The following KIAA0825 variants were observed in gnomAD, a reference collection of about 807,000 sequenced individuals.
The protein encoded by KIAA0825 is uncharacterized protein KIAA0825.
KIAA0825 carries 119 observed loss-of-function variants against 147.6 expected under a neutral mutation model. That is an observed-to-expected ratio of 0.81 (90% CI 0.69 to 0.94). The LOEUF (loss-of-function observed/expected upper bound fraction) is 0.94, where lower values mean the gene tolerates loss of function less well. KIAA0825 is among the 40% of genes least tolerant of loss of function. The pLI is 0.00. For synonymous variants in KIAA0825, 470 were observed against 518.1 expected (o/e 0.91, Z 1.26); for missense variants, 1,381 against 1,472.7 (o/e 0.94, Z 1.02).
In KIAA0825 at chr5:94,559,399, G is replaced by C. The variant is rs75054285; in HGVS notation, c.-1-22272C>G. ...GCAAAGACTTCATGACTATCACACT[G>C]TCTAAGATGGAATGTTAAATACTCT... On this transcript the variant is annotated intron_variant, in intron 2 of 20. Transcript: ENST00000682413. Among the ~76,000 whole-genome samples the C allele has an allele frequency of 9.1e-3, 1,390 of 152,154 alleles. 15 individuals carry two copies. The highest frequency in any genetic ancestry group is 0.032 in the African/African-American group (1,340 of 41,482).
chr5:94,494,541 T>G (rs192072993), intron 5 of KIAA0825, among the ~76,000 whole-genome samples: 2 of 152,120 alleles, frequency 1.3e-5, no homozygotes, highest in Admixed American at 1.3e-4. Flanking sequence ...TAGATATGCT[T>G]AGATATGCTG....
chr5:94,170,089 G>A (rs1023498146), intron 20 of KIAA0825, among the ~76,000 whole-genome samples: 2 of 152,124 alleles, frequency 1.3e-5, no homozygotes, highest in Non-Finnish European at 2.9e-5. Context: ...CACGAGGTCA[G>A]GAGATCAAGA....
At chr5:94,181,637 G>A (rs938953562) in intron 20 of KIAA0825, among the ~76,000 whole-genome samples, 10 of 152,170 alleles carry the variant, frequency 6.6e-5, no homozygotes, top group African/African-American at 2.4e-4. Flanking sequence ...TATTACTGCT[G>A]TAAGACATGC....
intron 2 of KIAA0825, chr5:94,569,474 G>T (rs1002408426): frequency 7.3e-6 from 3 of 409,518 alleles, no homozygotes; most frequent in South Asian, 1.3e-4. Flanking sequence ...CATTATTCTC[G>T]CACGGACTAC....
At position 94,179,799 on chromosome 5, in the gene KIAA0825, A is replaced by T. The variant is rs540013106; in HGVS notation, c.3711-25675T>A. 8.5e-5 allele frequency among the ~76,000 whole-genome samples: 13 copies of T among 152,124 alleles called. No homozygotes were observed. In the South Asian group the frequency reaches 2.5e-3, roughly 29 times the overall value. On this transcript the variant is annotated intron_variant, in intron 20 of 20. Transcript: ENST00000682413. ...CCAAAGTTGAACAACTTGTGCAACA[A>T]AGTAATGATAGCATTGGATTATAAC... is the stretch of plus-strand genomic sequence containing the variant.
At chr5:94,262,228 A>C (rs1340115905) in intron 20 of KIAA0825, among the ~76,000 whole-genome samples, 1 of 152,106 alleles carries the variant, frequency 6.6e-6, no homozygotes, top group Non-Finnish European at 1.5e-5. Context: ...AGGAAATACA[A>C]ATTAAAATTA....
chr5:94,187,724 C>T (rs934505333), intron 20 of KIAA0825, among the ~76,000 whole-genome samples: 1 of 152,062 alleles, frequency 6.6e-6, no homozygotes, highest in African/African-American at 2.4e-5. Flanking sequence ...CGCGCCAGAC[C>T]GGGAGTTATT....
chr5:94,299,513 C>T lies in KIAA0825; in HGVS notation c.3710+84855G>A, dbSNP rs572967767. On this transcript the variant is annotated intron_variant, in intron 20 of 20. Transcript: ENST00000682413. ...TACAGGCATGAGCCACCATTCCTTGCCTGAATTCAATCTTACATTTTAACA... is the reference window on the plus strand; with the variant it reads ...TACAGGCATGAGCCACCATTCCTTGTCTGAATTCAATCTTACATTTTAACA... Among the ~76,000 whole-genome samples the T allele has an allele frequency of 2.0e-5, 3 of 152,168 alleles. 1 individual carries two copies. The South Asian group carries it at 6.2e-4, about 32-fold the overall frequency.
At chr5:94,383,597 GA>G in intron 20 of KIAA0825, among the ~76,000 whole-genome samples, 1 of 152,180 alleles carries the variant, frequency 6.6e-6, no homozygotes, top group Admixed American at 6.5e-5. Context: ...TATCTTATTT[GA>G]AAATGTATTA....
At chr5:94,231,353 A>G (rs1374500101) in intron 20 of KIAA0825, among the ~76,000 whole-genome samples, 3 of 152,162 alleles carry the variant, frequency 2.0e-5, no homozygotes, top group African/African-American at 7.2e-5. Context: ...CCATTAATAC[A>G]TAATAACCTT....
chr5:94,201,897 A>G (rs1484960463), intron 20 of KIAA0825, among the ~76,000 whole-genome samples: 2 of 152,190 alleles, frequency 1.3e-5, no homozygotes, highest in Non-Finnish European at 2.9e-5. Flanking sequence ...ATAATTACTA[A>G]GTGGAAACAT....
intron 20 of KIAA0825, among the ~76,000 whole-genome samples, chr5:94,197,265 T>G (rs1376240264): frequency 6.6e-6 from 1 of 152,234 alleles, no homozygotes; most frequent in East Asian, 1.9e-4. Flanking sequence ...TGTGTATGTC[T>G]TCTTTTGAGA....
At chr5:94,446,794 T>C (rs1757784456) in intron 13 of KIAA0825, among the ~76,000 whole-genome samples, 2 of 152,164 alleles carry the variant, frequency 1.3e-5, no homozygotes, top group Non-Finnish European at 2.9e-5. Flanking sequence ...AGATTTGGGT[T>C]TGAGAAAACT....
chr5:94,220,589 A>G (rs34756085), intron 20 of KIAA0825, among the ~76,000 whole-genome samples: 13,052 of 152,262 alleles, frequency 0.086, 720 homozygotes, highest in Middle Eastern at 0.14. Flanking sequence ...GACAGCTATG[A>G]TATCACTAGG....
At chr5:94,591,021 A>G (rs1475970248) in intron 1 of KIAA0825, among the ~76,000 whole-genome samples, 1 of 152,252 alleles carries the variant, frequency 6.6e-6, no homozygotes. Context: ...ATTTCTGGTT[A>G]GGAAGCTCAA....
At chr5:94,467,503 T>A (rs189260665) in intron 10 of KIAA0825, among the ~76,000 whole-genome samples, 7 of 152,346 alleles carry the variant, frequency 4.6e-5, no homozygotes, top group Admixed American at 4.6e-4. Flanking sequence ...ACTGAGCAGA[T>A]GTCAACCATC....
chr5:94,449,660 G>T (rs753815101), intron 13 of KIAA0825, among the ~76,000 whole-genome samples: 31 of 152,126 alleles, frequency 2.0e-4, no homozygotes, highest in Non-Finnish European at 8.8e-5. Flanking sequence ...TATACCGTTG[G>T]GGTATAGGTA....
chr5:94,284,812 T>C (rs1777599634), intron 20 of KIAA0825, among the ~76,000 whole-genome samples: 1 of 152,196 alleles, frequency 6.6e-6, no homozygotes, highest in South Asian at 2.1e-4. Flanking sequence ...CCCATTCATC[T>C]TTCCACCTGT....
intron 2 of KIAA0825, among the ~76,000 whole-genome samples, chr5:94,561,112 G>A (rs761590427): frequency 1.3e-5 from 2 of 152,192 alleles, no homozygotes; most frequent in African/African-American, 4.8e-5. Context: ...AGACAGGAAA[G>A]GGACTTGGGA....
Sources: allele counts gnomAD v4.1 joint callset (sites outside exome capture counted in the v4.1 genomes callset), GRCh38; gene constraint gnomAD v4.1.1; transcripts MANE v1.5; gene names NCBI Gene and HGNC (gene_info 2026-07-23, HGNC 2026-07-21).